RGMA: variants seen among roughly 807,000 people sequenced by gnomAD.
The protein encoded by RGMA is repulsive guidance molecule BMP co-receptor a.
Under a neutral mutation model 23.2 loss-of-function variants are expected in RGMA, and 10 were observed. The ratio of observed to expected loss-of-function variants is 0.43; its 90% confidence interval spans 0.27 to 0.73. The LOEUF (loss-of-function observed/expected upper bound fraction) is 0.73. RGMA is among the 30% of genes least tolerant of loss of function. The probability of loss-of-function intolerance (pLI) is 0.20; values close to 1 mark genes in which losing one functional copy is unlikely to be tolerated. For synonymous variants in RGMA, 308 were observed against 279.3 expected, an observed-to-expected ratio of 1.10 and a Z score of -1.03; for missense variants, 547 against 630.5, an observed-to-expected ratio of 0.87 and a Z score of 1.42.
At chr15:93,065,622 TA>T in intron 2 of RGMA, 1 of 849,692 alleles carries the variant, frequency 1.2e-6, no homozygotes, top group Non-Finnish European at 1.9e-6. Flanking sequence ...CCACTGTTGA[TA>T]GGGGCTGAGG....
At chr15:93,072,640 G>A (rs1022799669) in intron 2 of RGMA, among the ~76,000 whole-genome samples, 1 of 152,172 alleles carries the variant, frequency 6.6e-6, no homozygotes, top group Admixed American at 6.5e-5. Context: ...CCCTTTCTCG[G>A]AAAAAGGGAA....
chr15:93,049,901 G>A (rs544146076), intron 3 of RGMA, among the ~76,000 whole-genome samples: 1 of 152,212 alleles, frequency 6.6e-6, no homozygotes, highest in Admixed American at 6.5e-5. Flanking sequence ...GGTGGTAGTC[G>A]AGGTGGTCAC....
intron 2 of RGMA, among the ~76,000 whole-genome samples, chr15:93,068,291 A>G (rs79612270): frequency 0.058 from 8,795 of 152,234 alleles, 369 homozygotes; most frequent in Middle Eastern, 0.1. Flanking sequence ...ACCAAAACCT[A>G]AAGTTGGGGT....
intron 3 of RGMA, among the ~76,000 whole-genome samples, chr15:93,047,985 C>T (rs2054853435): frequency 6.6e-6 from 1 of 152,162 alleles, no homozygotes; most frequent in Non-Finnish European, 1.5e-5. Context: ...AGCATGAGGC[C>T]ATCCTGTTCT....
At chr15:93,074,709 C>A (rs1181537866) in intron 1 of RGMA, among the ~76,000 whole-genome samples, 2 of 152,208 alleles carry the variant, frequency 1.3e-5, no homozygotes, top group Non-Finnish European at 2.9e-5. Context: ...AATGCTCTTC[C>A]TTTCAAGCTT....
intron 2 of RGMA, chr15:93,065,797 T>C (rs1895124851): frequency 2.1e-6 from 2 of 975,184 alleles, no homozygotes; most frequent in African/African-American, 1.6e-5. Context: ...GCTGGGGTGG[T>C]CTGGGCCAGA....
At chr15:93,072,144 G>A (rs986107766) in intron 2 of RGMA, among the ~76,000 whole-genome samples, 1 of 151,966 alleles carries the variant, frequency 6.6e-6, no homozygotes, top group Non-Finnish European at 1.5e-5. Context: ...AAACTGGAGC[G>A]TTTGGGAAGG....
chr15:93,047,608 A>G (rs1342998726), intron 3 of RGMA, among the ~76,000 whole-genome samples: 1 of 150,182 alleles, frequency 6.7e-6, no homozygotes, highest in Non-Finnish European at 1.5e-5. Context: ...GTGGCCAGCT[A>G]GCTGGCTGGC....
At chr15:93,081,484 G>T (rs1365568359) in intron 1 of RGMA, among the ~76,000 whole-genome samples, 1 of 152,178 alleles carries the variant, frequency 6.6e-6, no homozygotes, top group Admixed American at 6.5e-5. Context: ...ACCGCCTGAA[G>T]TTTGAAAGCA....
At chr15:93,073,081 A>T in intron 1 of RGMA, 50 bp from the exon 2 acceptor site, 2 of 1,504,296 alleles carry the variant, frequency 1.3e-6, no homozygotes, top group South Asian at 2.5e-5. Context: ...CGCTGCGAAG[A>T]AAGGGCAGCC....
chr15:93,062,609 G>A (rs989313199), intron 2 of RGMA: 7 of 152,314 alleles, frequency 4.6e-5, no homozygotes, highest in African/African-American at 1.4e-4. Context: ...GCTCTCTGGT[G>A]CAGGGATTCT....
Position 93,051,880 on chromosome 15 carries a change from C to T in RGMA, c.645+113G>A, listed in dbSNP as rs767766413. The T allele has an allele frequency of 2.7e-5, 31 of 1,152,090 alleles. No individual in the cohort carries two copies. The South Asian group carries it at 3.1e-4, about 12-fold the overall frequency. The allele number at this position is 1,152,090 out of a possible 1,614,324, so 71.4% of individuals were successfully genotyped here. A position where few individuals can be genotyped will look rare whatever the true frequency, so the allele number is the denominator to read the frequency against. On this transcript the variant is annotated intron_variant, in intron 3 of 3. Transcript: ENST00000329082. Reference sequence around the variant, plus strand: ...GGAGGGTGCTCCTGTGTCCCCGCTCCGCTCCGTCTTCCCCCATTCCCAGGC... The same window carrying T: ...GGAGGGTGCTCCTGTGTCCCCGCTCTGCTCCGTCTTCCCCCATTCCCAGGC...
intron 1 of RGMA, chr15:93,074,129 A>ACAAATAGTCCTGAG: frequency 1.4e-6 from 1 of 717,806 alleles, no homozygotes; most frequent in Non-Finnish European, 1.9e-6. Context: ...TGGATGAAAC[A>ACAAATAGTCCTGAG]CAAATAGTCC....
intron 2 of RGMA, among the ~76,000 whole-genome samples, chr15:93,055,574 G>A (rs1567184110): frequency 6.6e-6 from 1 of 152,166 alleles, no homozygotes; most frequent in African/African-American, 2.4e-5. Flanking sequence ...TCACGCCCCC[G>A]GCAGCCACAC....
At chr15:93,066,666 GT>G (rs1401208816) in intron 2 of RGMA, 1 of 410,046 alleles carries the variant, frequency 2.4e-6, no homozygotes, top group Admixed American at 3.1e-5. Flanking sequence ...GCCGGGTCCA[GT>G]ACCGGCCCCC....
chr15:93,071,982 A>T (rs1054137703), intron 2 of RGMA, among the ~76,000 whole-genome samples: 8 of 152,246 alleles, frequency 5.3e-5, no homozygotes, highest in Non-Finnish European at 1.0e-4. Flanking sequence ...AGCAAGAAAA[A>T]AAATGGGTAT....
In RGMA at chr15:93,045,843, G is replaced by C; in HGVS notation, c.646-138C>G. 1 of 638,804 alleles carries C rather than the reference G, an allele frequency of 1.6e-6. No homozygotes were observed. The highest frequency in any genetic ancestry group is 2.7e-6 in the Non-Finnish European group (1 of 364,886). The allele number at this position is 638,804 out of a possible 1,614,324, so 39.6% of individuals were successfully genotyped here. A position where few individuals can be genotyped will look rare whatever the true frequency, so the allele number is the denominator to read the frequency against. On this transcript the variant is annotated intron_variant, in intron 3 of 3. Coordinates refer to ENST00000329082, the MANE Select transcript of RGMA (RefSeq NM_020211.3). The surrounding 1 kb of genome is among the most constrained non-coding windows in gnomAD (Gnocchi z 6.9). ...CCCAGACACTCCCTTCTCCAGGTTG[G>C]ACAGATCAGTTCCACCTGCGCAGCT...
chr15:93,083,313 A>C (rs1895587488), intron 1 of RGMA, among the ~76,000 whole-genome samples: 1 of 152,182 alleles, frequency 6.6e-6, no homozygotes, highest in South Asian at 2.1e-4. Context: ...CAAGTGTTTC[A>C]GGAAAGCAAG....
rs117246405 is a variant in RGMA, at chr15:93,080,357, C to T, written c.15-7326G>A. 2.8e-3 allele frequency among the ~76,000 whole-genome samples: 429 copies of T among 152,244 alleles called. 2 individuals are homozygous for T. Among genetic ancestry groups the T allele is most frequent in the Middle Eastern group, 6.8e-3 (2 of 294 alleles). ...GGGACCACAGGTGCACACGCCACCA[C>T]GCCTGGGTCATTCTTTGGTATTTTT... On this transcript the variant is annotated intron_variant, in intron 1 of 3. Transcript: ENST00000329082.
Sources: allele counts gnomAD v4.1 joint callset (sites outside exome capture counted in the v4.1 genomes callset), GRCh38; gene constraint gnomAD v4.1.1; non-coding constraint Gnocchi (gnomAD v3.1); transcripts MANE v1.5; gene names NCBI Gene and HGNC (gene_info 2026-07-23, HGNC 2026-07-21).